The following CHSY3 variants were observed in gnomAD, a reference collection of about 807,000 sequenced individuals.
The protein encoded by CHSY3 is N-acetylgalactosaminyl-proteoglycan 3-beta-glucuronosyltransferase 3.
CHSY3 carries 35 observed loss-of-function variants against 67.2 expected under a neutral mutation model. The observed-to-expected ratio is 0.52, with a 90% CI of 0.40 to 0.69. The LOEUF (loss-of-function observed/expected upper bound fraction) is 0.69. Among genes scored for constraint, CHSY3 ranks in the 30% least tolerant of loss-of-function variants. CHSY3 has a pLI of 0.00. For synonymous variants in CHSY3, 474 were observed against 434.7 expected (o/e 1.09, Z -1.12); for missense variants, 1,069 against 1,138.5 (o/e 0.94, Z 0.88).
rs146005814 is a variant in CHSY3 at position 130,154,332 on chromosome 5, C to G, written c.1087-29897C>G. Among the ~76,000 whole-genome samples the G allele has an allele frequency of 1.6e-3, 239 of 152,356 alleles. 4 individuals carry two copies. The highest frequency in any genetic ancestry group is 6.2e-4 in the Non-Finnish European group (42 of 68,040). Reference sequence around the variant, plus strand: ...TAGCTTTTCACTTAATCTCCTTCAACTCTTTGCCCCTGGCCTCTGGAGTAT... The same window carrying G: ...TAGCTTTTCACTTAATCTCCTTCAAGTCTTTGCCCCTGGCCTCTGGAGTAT... On this transcript the variant is annotated intron_variant, in intron 2 of 2. Coordinates refer to ENST00000305031, the MANE Select transcript of CHSY3 (RefSeq NM_175856.5).
chr5:129,927,929 C>T (rs1017938608), intron 2 of CHSY3, among the ~76,000 whole-genome samples: 9 of 152,008 alleles, frequency 5.9e-5, no homozygotes, highest in Admixed American at 5.9e-4. Context: ...GAAGCCCCCA[C>T]AATTCCTAGG....
chr5:130,047,844 A>G (rs1765200881), intron 2 of CHSY3, among the ~76,000 whole-genome samples: 1 of 151,872 alleles, frequency 6.6e-6, no homozygotes. Context: ...GAATTTTGTT[A>G]ATTCAAATTT....
intron 2 of CHSY3, among the ~76,000 whole-genome samples, chr5:130,014,195 C>T (rs1159473722): frequency 1.3e-5 from 2 of 152,134 alleles, no homozygotes; most frequent in Non-Finnish European, 2.9e-5. Flanking sequence ...TCCAACTGTC[C>T]CACATTTTTC....
chr5:130,169,497 G>T (rs1260251199), intron 2 of CHSY3, among the ~76,000 whole-genome samples: 1 of 151,996 alleles, frequency 6.6e-6, no homozygotes, highest in Admixed American at 6.6e-5. Flanking sequence ...TCATGTAGCC[G>T]AAGCTGACAC....
In CHSY3 at chr5:129,904,721, T is replaced by TGCGGCC; in HGVS notation, c.-103_-98dup. ...CGGTGTCGGCGCCTAGGCGGCCGGC[T>TGCGGCC]GCGGCCGCGGCTGGGGGCGCAAAGG... On this transcript the variant is annotated 5_prime_UTR_variant, in exon 1 of 3. Transcript: ENST00000305031. 8.2e-7 allele frequency: 1 copy of TGCGGCC among 1,225,232 alleles called. No individual in the cohort carries two copies. The highest frequency in any genetic ancestry group is 4.0e-5 in the South Asian group (1 of 24,802). The allele number at this position is 1,225,232 out of a possible 1,614,324, so 75.9% of individuals were successfully genotyped here. A position where few individuals can be genotyped will look rare whatever the true frequency, so the allele number is the denominator to read the frequency against.
intron 2 of CHSY3, among the ~76,000 whole-genome samples, chr5:130,122,547 C>A (rs1452358634): frequency 6.6e-6 from 1 of 152,192 alleles, no homozygotes; most frequent in Non-Finnish European, 1.5e-5. Flanking sequence ...ACAACACCGT[C>A]TTGAAGAAAG....
intron 2 of CHSY3, among the ~76,000 whole-genome samples, chr5:129,970,818 T>G (rs1324453603): frequency 1.3e-5 from 2 of 151,952 alleles, no homozygotes; most frequent in African/African-American, 4.8e-5. Flanking sequence ...TGCTGCAATT[T>G]GAATTTGGTA....
rs780522431 is a variant in CHSY3, at chr5:129,905,041, G to T, written c.212G>T (p.Arg71Leu). Residue 71 changes from arginine to leucine, a missense_variant, in exon 1 of 3, where the codon CGG becomes CTG. Arg to Leu is a moderately radical substitution (Grantham distance 102). This residue lies in a region of CHSY3 where 309 missense variants were observed against 262.5 expected (regional missense o/e 1.18). Transcript: ENST00000305031. ...CTCCCCCAGCCCCAGTCCCGACCAC[G>T]GCAGGAGCAGTCGCCGCCCCCCGCG... ...QPLPQPQSRP[R>L]QEQSPPPARQ... 1.3e-6 allele frequency: 2 copies of T among 1,553,766 alleles called. No homozygotes were observed. Among genetic ancestry groups the T allele is most frequent in the African/African-American group, 2.7e-5 (2 of 73,374 alleles).
At chr5:130,089,322 T>G (rs925279904) in intron 2 of CHSY3, among the ~76,000 whole-genome samples, 2 of 151,530 alleles carry the variant, frequency 1.3e-5, no homozygotes, top group African/African-American at 4.8e-5. Flanking sequence ...TGTATACATA[T>G]GTAACTAACC....
intron 2 of CHSY3, among the ~76,000 whole-genome samples, chr5:130,145,964 G>A (rs1450212319): frequency 2.0e-5 from 3 of 152,090 alleles, no homozygotes; most frequent in Admixed American, 6.6e-5. Context: ...TGTTGGCAAA[G>A]ATATGGAGAA....
chr5:130,146,515 AAT>A (rs1250895105), intron 2 of CHSY3, among the ~76,000 whole-genome samples: 1 of 152,134 alleles, frequency 6.6e-6, no homozygotes, highest in African/African-American at 2.4e-5. Flanking sequence ...AGATAGGAAA[AAT>A]ATGTTCTTGT....
intron 2 of CHSY3, among the ~76,000 whole-genome samples, chr5:129,920,964 A>G (rs189842007): frequency 8.9e-4 from 135 of 152,218 alleles, no homozygotes; most frequent in Non-Finnish European, 1.7e-3. Flanking sequence ...GACTGCAGGC[A>G]TGCACCGCCA....
rs1481717981 is a variant in CHSY3, at chr5:129,974,891, GTGT to G, written c.1086+66535_1086+66537del. On this transcript the variant is annotated intron_variant, in intron 2 of 2. Transcript: ENST00000305031. The stretch of plus-strand genomic sequence containing the variant: ...TAATCATAATTGAAATCTAACACTA[GTGT>G]TGTATGAAAGGAGAGAAGGTTAGCA... 5.3e-5 allele frequency: 8 copies of G among 152,262 alleles called. No homozygotes were observed. In the East Asian group the frequency reaches 1.4e-3, roughly 26 times the overall value. The allele number at this position is 152,262 out of a possible 1,614,324, so 9.4% of individuals were successfully genotyped here.
chr5:129,911,827 C>T (rs912033331), intron 2 of CHSY3, among the ~76,000 whole-genome samples: 9 of 152,234 alleles, frequency 5.9e-5, no homozygotes, highest in African/African-American at 1.2e-4. Flanking sequence ...GAGGCTGACG[C>T]GGGCGGATCA....
chr5:129,923,184 T>C (rs1760979460), intron 2 of CHSY3, among the ~76,000 whole-genome samples: 1 of 151,558 alleles, frequency 6.6e-6, no homozygotes, highest in African/African-American at 2.4e-5. Flanking sequence ...TAGTGATTGA[T>C]TAGAGATGTA....
chr5:129,971,093 A>G, intron 2 of CHSY3, among the ~76,000 whole-genome samples: 1 of 151,900 alleles, frequency 6.6e-6, no homozygotes, highest in East Asian at 1.9e-4. Context: ...TTGGAATTCA[A>G]AGGACATGTA....
intron 2 of CHSY3, among the ~76,000 whole-genome samples, chr5:130,094,967 G>A (rs890676822): frequency 2.6e-5 from 4 of 152,094 alleles, no homozygotes; most frequent in Admixed American, 1.3e-4. Context: ...GAGTCCCACT[G>A]TTAAGAGTAA....
At chr5:130,181,599 A>G (rs1245495358) in intron 2 of CHSY3, among the ~76,000 whole-genome samples, 1 of 152,224 alleles carries the variant, frequency 6.6e-6, no homozygotes, top group Non-Finnish European at 1.5e-5. Flanking sequence ...GCAGATAAAT[A>G]TATCTTAAGC....
intron 2 of CHSY3, among the ~76,000 whole-genome samples, chr5:130,029,006 A>G (rs1764636509): frequency 6.6e-6 from 1 of 150,658 alleles, no homozygotes; most frequent in Non-Finnish European, 1.5e-5. Context: ...TTCTTTATCT[A>G]TTCTGTCTTC....
Sources: gnomAD v4.1 joint callset for allele counts (sites outside exome capture counted in the v4.1 genomes callset) on GRCh38, gnomAD v4.1.1 for gene constraint, gnomAD v4.1.1 regional missense constraint, MANE v1.5 for transcripts, NCBI Gene and HGNC (gene_info 2026-07-23, HGNC 2026-07-21) for gene names.